The following IRAG1 variants were observed in gnomAD, a reference collection of about 807,000 sequenced individuals.
The protein encoded by IRAG1 is IP3R-associated cGMP kinase substrate.
A neutral mutation model predicts 106.2 loss-of-function variants in IRAG1; 62 were observed. The observed-to-expected ratio is 0.58, with a 90% CI of 0.48 to 0.72. IRAG1 has a LOEUF of 0.72. IRAG1 is among the 30% of genes least tolerant of loss of function. The probability of loss-of-function intolerance (pLI) is 0.00; values close to 1 mark genes in which losing one functional copy is unlikely to be tolerated. For missense variants in IRAG1, 1,064 were observed against 1,140.7 expected, an observed-to-expected ratio of 0.93 and a Z score of 0.97; for synonymous variants, 462 against 443.9, an observed-to-expected ratio of 1.04 and a Z score of -0.51.
At chr11:10,609,201 C>T (rs1001439068) in intron 11 of IRAG1, among the ~76,000 whole-genome samples, 9 of 152,202 alleles carry the variant, frequency 5.9e-5, no homozygotes, top group African/African-American at 2.2e-4. Context: ...CAATGCCCCA[C>T]TCTCATGTCA....
At chr11:10,599,705 A>G (rs1387818938) in intron 15 of IRAG1, 2 of 152,206 alleles carry the variant, frequency 1.3e-5, no homozygotes, top group African/African-American at 4.8e-5. Flanking sequence ...TCCTGTTGCT[A>G]AAAGGTCTGT....
Position 10,631,990 on chromosome 11 carries a change from C to A in IRAG1, c.400+1G>T, listed in dbSNP as rs779934913. ...ATGCCTTAGATTGCCCTGGTCCTTA[C>A]CCACAGATGTCAGGGAGGCAGTGGA... On this transcript the variant is annotated splice_donor_variant, in intron 4 of 20. Transcript: ENST00000423302. LOFTEE classifies it high-confidence loss of function. The A allele has an allele frequency of 6.2e-7, 1 of 1,613,372 alleles. No individual in the cohort carries two copies. Among genetic ancestry groups the A allele is most frequent in the South Asian group, 1.1e-5 (1 of 91,050 alleles).
chr11:10,587,073 G>C (rs113793024), intron 18 of IRAG1, among the ~76,000 whole-genome samples: 1,987 of 152,264 alleles, frequency 0.013, 30 homozygotes, highest in African/African-American at 0.045. Context: ...TGGCCCGAAG[G>C]CTCATGGATC....
intron 15 of IRAG1, chr11:10,595,720 G>A (rs1853226581): frequency 6.6e-6 from 1 of 151,936 alleles, no homozygotes. Context: ...TTTTATTTTA[G>A]GTTCAGGGTA....
chr11:10,592,888 C>G (rs1378276749), intron 17 of IRAG1, among the ~76,000 whole-genome samples: 1 of 152,164 alleles, frequency 6.6e-6, no homozygotes, highest in Non-Finnish European at 1.5e-5. Context: ...AAGTACAAAA[C>G]AGAATTATAC....
chr11:10,598,427 A>G (rs577946516), intron 15 of IRAG1, among the ~76,000 whole-genome samples: 15 of 152,370 alleles, frequency 9.8e-5, no homozygotes, highest in Admixed American at 2.0e-4. Flanking sequence ...GAACCAGAAA[A>G]TATTCTTTAC....
chr11:10,649,746 G>A (rs1242304888), intron 2 of IRAG1, among the ~76,000 whole-genome samples: 1 of 152,108 alleles, frequency 6.6e-6, no homozygotes, highest in Non-Finnish European at 1.5e-5. Flanking sequence ...TGGGGGGAGG[G>A]TTCCATGAGC....
chr11:10,683,355 T>A (rs1861414564), intron 1 of IRAG1, among the ~76,000 whole-genome samples: 1 of 149,616 alleles, frequency 6.7e-6, no homozygotes, highest in Admixed American at 6.6e-5. Flanking sequence ...CTTAAAAGGT[T>A]TGTGCCAAAA....
At chr11:10,656,317 C>G (rs1427327946) in intron 1 of IRAG1, among the ~76,000 whole-genome samples, 1 of 152,208 alleles carries the variant, frequency 6.6e-6, no homozygotes, top group African/African-American at 2.4e-5. Flanking sequence ...TATGACTCTA[C>G]TCATTCTGCC....
intron 1 of IRAG1, among the ~76,000 whole-genome samples, chr11:10,662,946 G>T (rs1373851186): frequency 6.6e-6 from 1 of 152,212 alleles, no homozygotes. Context: ...GGCCTTGATG[G>T]CCTTGGTTCT....
intron 9 of IRAG1, 61 bp from the exon 10 acceptor site, chr11:10,623,917 T>G: frequency 6.7e-7 from 1 of 1,496,336 alleles, no homozygotes. Context: ...GGCTGTTCTC[T>G]TGGCTCTGTC....
intron 15 of IRAG1, among the ~76,000 whole-genome samples, chr11:10,594,852 ATCTC>A (rs758482851): frequency 6.6e-6 from 1 of 151,984 alleles, no homozygotes; most frequent in African/African-American, 2.4e-5. Flanking sequence ...TAGCCTGCAT[ATCTC>A]TCTCTTTCAT....
chr11:10,664,981 C>CT (rs1380295167), intron 1 of IRAG1, among the ~76,000 whole-genome samples: 1 of 152,172 alleles, frequency 6.6e-6, no homozygotes, highest in African/African-American at 2.4e-5. Flanking sequence ...ATGAATACCC[C>CT]TTTTTTCTTA....
intron 2 of IRAG1, among the ~76,000 whole-genome samples, chr11:10,649,207 A>G (rs1858245508): frequency 1.3e-5 from 2 of 152,204 alleles, no homozygotes; most frequent in Admixed American, 1.3e-4. Flanking sequence ...TGGTGGGTGC[A>G]ATAGTGGGAG....
chr11:10,649,948 G>A (rs1472466753), intron 2 of IRAG1, among the ~76,000 whole-genome samples: 2 of 152,192 alleles, frequency 1.3e-5, no homozygotes, highest in Admixed American at 1.3e-4. Flanking sequence ...AGACTATAGA[G>A]AGAATGTTTG....
In IRAG1 at chr11:10,580,464, G is replaced by A; in HGVS notation, c.2486C>T (p.Pro829Leu). The A allele has an allele frequency of 1.2e-6, 2 of 1,612,298 alleles. No homozygotes were observed. Among genetic ancestry groups the A allele is most frequent in the Non-Finnish European group, 8.5e-7 (1 of 1,179,392 alleles). ...VEETEEEEKG[P>L]RSSKLEELVH... Reference sequence around the variant, plus strand: ...AACACAGGCTTCCCACCTGCTTCTTGGGCCCTTTTCCTCTTCCTCAGTTTC... The same window carrying A: ...AACACAGGCTTCCCACCTGCTTCTTAGGCCCTTTTCCTCTTCCTCAGTTTC... Residue 829 changes from proline to leucine, a missense_variant, in exon 20 of 21, where the codon CCA becomes CTA. Coordinates refer to ENST00000423302, the MANE Select transcript of IRAG1 (RefSeq NM_130385.4).
At position 10,574,971 on chromosome 11, in the gene IRAG1, TAAATG is replaced by T. The variant is rs1850745280; in HGVS notation, c.*1356_*1360del. The T allele has an allele frequency of 6.6e-6, 1 of 152,194 alleles. No homozygotes were observed. The highest frequency in any genetic ancestry group is 2.4e-5 in the African/African-American group (1 of 41,436). The allele number at this position is 152,194 out of a possible 1,614,324, so 9.4% of individuals were successfully genotyped here. ...TTTTTTTTTCTTTTTCTTCAGGACTTAAATGAATTCATACCTATGTAATACTGAGA... is the reference window on the plus strand; with the variant it reads ...TTTTTTTTTCTTTTTCTTCAGGACTTAATTCATACCTATGTAATACTGAGA... On this transcript the variant is annotated 3_prime_UTR_variant, in exon 21 of 21. Transcript: ENST00000423302.
At chr11:10,683,302 A>C (rs1322183169) in intron 1 of IRAG1, among the ~76,000 whole-genome samples, 7 of 151,810 alleles carry the variant, frequency 4.6e-5, no homozygotes, top group African/African-American at 1.7e-4. Context: ...AAACATATTT[A>C]TCTAGTTTTA....
intron 1 of IRAG1, among the ~76,000 whole-genome samples, chr11:10,677,277 A>T (rs1165652012): frequency 1.3e-5 from 2 of 152,164 alleles, no homozygotes; most frequent in Non-Finnish European, 2.9e-5. Context: ...AGAAGTCTTC[A>T]TGGATGGCCC....
Sources: allele counts gnomAD v4.1 joint callset (sites outside exome capture counted in the v4.1 genomes callset), GRCh38; gene constraint gnomAD v4.1.1; transcripts MANE v1.5; gene names NCBI Gene and HGNC (gene_info 2026-07-23, HGNC 2026-07-21).